The following EPB41L4B variants were observed in gnomAD, a reference collection of about 807,000 sequenced individuals.
The protein encoded by EPB41L4B is band 4.1-like protein 4B.
EPB41L4B carries 30 observed loss-of-function variants against 112.5 expected under a neutral mutation model. The observed-to-expected ratio is 0.27, with a 90% CI of 0.20 to 0.36. The LOEUF is 0.36. Among genes scored for constraint, EPB41L4B ranks in the 10% least tolerant of loss-of-function variants. The pLI is 1.00. For missense variants in EPB41L4B, 1,024 were observed against 1,133.3 expected (o/e 0.90, Z 1.38); for synonymous variants, 408 against 439.7 (o/e 0.93, Z 0.90).
chr9:109,192,150 T>C, intron 22 of EPB41L4B, 128 bp downstream of exon 22: 1 of 744,006 alleles, frequency 1.3e-6, no homozygotes, highest in South Asian at 1.8e-5. Context: ...TGAAAGCTGA[T>C]CCCTGAGCCT....
intron 15 of EPB41L4B, among the ~76,000 whole-genome samples, chr9:109,224,040 T>TA (rs1833681203): frequency 6.6e-6 from 1 of 151,258 alleles, no homozygotes; most frequent in Non-Finnish European, 1.5e-5. Flanking sequence ...AAAATAAAAA[T>TA]AAAATAAAAT....
At chr9:109,254,698 T>C (rs1834917269) in intron 11 of EPB41L4B, among the ~76,000 whole-genome samples, 2 of 152,198 alleles carry the variant, frequency 1.3e-5, no homozygotes, top group African/African-American at 4.8e-5. Flanking sequence ...GATGAGGTTG[T>C]TGTCCTCATT....
chr9:109,284,528 T>C (rs1446678891), intron 1 of EPB41L4B, among the ~76,000 whole-genome samples: 3 of 152,178 alleles, frequency 2.0e-5, no homozygotes, highest in African/African-American at 4.8e-5. Context: ...TCCCCCTGCC[T>C]CAGCCTCCCC....
intron 1 of EPB41L4B, among the ~76,000 whole-genome samples, chr9:109,307,660 T>C (rs1248798589): frequency 2.0e-5 from 3 of 152,170 alleles, no homozygotes; most frequent in African/African-American, 4.8e-5. Flanking sequence ...TGAAATGCCA[T>C]GGAATGGGCT....
At chr9:109,205,445 T>C (rs1832963898) in intron 18 of EPB41L4B, among the ~76,000 whole-genome samples, 1 of 152,238 alleles carries the variant, frequency 6.6e-6, no homozygotes, top group Non-Finnish European at 1.5e-5. Flanking sequence ...GGGAACATGT[T>C]ACAACTTTCT....
intron 13 of EPB41L4B, among the ~76,000 whole-genome samples, chr9:109,251,105 G>A (rs562808766): frequency 6.6e-6 from 1 of 152,362 alleles, no homozygotes; most frequent in South Asian, 2.1e-4. Flanking sequence ...ACGTCACTGA[G>A]CAAATCTAGC....
At chr9:109,293,717 A>AAAC (rs1564326019) in intron 1 of EPB41L4B, among the ~76,000 whole-genome samples, 1 of 143,602 alleles carries the variant, frequency 7.0e-6, no homozygotes, top group Non-Finnish European at 1.5e-5. Flanking sequence ...AAAAAAAAAA[A>AAAC]AAACATAAAC....
intron 24 of EPB41L4B, among the ~76,000 whole-genome samples, chr9:109,178,167 T>C (rs1831914739): frequency 6.6e-6 from 1 of 151,986 alleles, no homozygotes; most frequent in African/African-American, 2.4e-5. Context: ...CCTCCCACTT[T>C]AGCCTCCCAA....
At chr9:109,242,847 T>TAAA (rs11292845) in intron 15 of EPB41L4B, among the ~76,000 whole-genome samples, 1 of 127,148 alleles carries the variant, frequency 7.9e-6, no homozygotes, top group Non-Finnish European at 1.7e-5. Flanking sequence ...AAGCTAGCCT[T>TAAA]AAAAAAAAAA....
chr9:109,229,907 G>C (rs1256463365), intron 15 of EPB41L4B, among the ~76,000 whole-genome samples: 1 of 152,116 alleles, frequency 6.6e-6, no homozygotes, highest in Non-Finnish European at 1.5e-5. Flanking sequence ...AAAAAGTCAG[G>C]AAGCCCTGCC....
At chr9:109,204,789 A>C (rs1832941024) in intron 18 of EPB41L4B, among the ~76,000 whole-genome samples, 1 of 152,076 alleles carries the variant, frequency 6.6e-6, no homozygotes, top group African/African-American at 2.4e-5. Flanking sequence ...GAGCCACCAC[A>C]CCCAGCCAAA....
At chr9:109,233,846 T>A (rs905042954) in intron 15 of EPB41L4B, among the ~76,000 whole-genome samples, 1 of 152,106 alleles carries the variant, frequency 6.6e-6, no homozygotes, top group African/African-American at 2.4e-5. Context: ...AACCTACTTT[T>A]AAAAAAATGT....
chr9:109,274,390 C>G (rs1315609696), intron 2 of EPB41L4B, among the ~76,000 whole-genome samples: 1 of 152,114 alleles, frequency 6.6e-6, no homozygotes, highest in Non-Finnish European at 1.5e-5. Context: ...CAGTGTTCAC[C>G]CTTTCTCTTG....
chr9:109,224,938 C>T (rs911201067), intron 15 of EPB41L4B, among the ~76,000 whole-genome samples: 1 of 152,194 alleles, frequency 6.6e-6, no homozygotes. Context: ...AGACTCCTGC[C>T]TCTCTGCTCG....
intron 15 of EPB41L4B, among the ~76,000 whole-genome samples, chr9:109,232,842 CCTCT>C (rs1188765444): frequency 1.3e-5 from 2 of 152,178 alleles, no homozygotes; most frequent in South Asian, 2.1e-4. Flanking sequence ...CGCAAATGAT[CCTCT>C]CTCTGTTCCC....
intron 2 of EPB41L4B, among the ~76,000 whole-genome samples, chr9:109,275,057 G>C (rs1473744580): frequency 2.6e-5 from 4 of 152,188 alleles, no homozygotes; most frequent in Non-Finnish European, 4.4e-5. Flanking sequence ...CTGCAGAGTG[G>C]GTTCCTGGAT....
At chr9:109,194,481 G>A in intron 20 of EPB41L4B, 84 bp from the exon 21 acceptor site, 1 of 1,405,868 alleles carries the variant, frequency 7.1e-7, no homozygotes, top group Non-Finnish European at 9.7e-7. Context: ...GGGCAGGGGT[G>A]GGAAGACCAG....
At chr9:109,210,993 A>C (rs188319807) in intron 17 of EPB41L4B, among the ~76,000 whole-genome samples, 171 of 152,356 alleles carry the variant, frequency 1.1e-3, no homozygotes, top group African/African-American at 3.9e-3. Flanking sequence ...AAATGATCAG[A>C]TGTATATTTG....
intron 22 of EPB41L4B, among the ~76,000 whole-genome samples, chr9:109,191,534 T>G (rs1832461402): frequency 6.6e-6 from 1 of 152,156 alleles, no homozygotes; most frequent in Non-Finnish European, 1.5e-5. Flanking sequence ...TGGCAGGCAT[T>G]GCCCCTCAGA....
Sources: allele counts gnomAD v4.1 joint callset (sites outside exome capture counted in the v4.1 genomes callset), GRCh38; gene constraint gnomAD v4.1.1; transcripts MANE v1.5; gene names NCBI Gene and HGNC (gene_info 2026-07-23, HGNC 2026-07-21).